The following AGR3 variants were observed in gnomAD, a reference collection of about 807,000 sequenced individuals.
AGR3 encodes the protein anterior gradient protein 3.
AGR3 carries 37 observed loss-of-function variants against 24.5 expected under a neutral mutation model. The observed-to-expected ratio is 1.51, with a 90% CI of 1.16 to 1.99. The LOEUF (loss-of-function observed/expected upper bound fraction) is 1.99, where lower values mean the gene tolerates loss of function less well. Ranked by LOEUF, AGR3 falls within the 30% of genes most tolerant of loss-of-function variation. AGR3 has a pLI of 0.00. For synonymous variants in AGR3, 75 were observed against 61.6 expected, an observed-to-expected ratio of 1.22 and a Z score of -1.02; for missense variants, 228 against 191.1, an observed-to-expected ratio of 1.19 and a Z score of -1.14.
At chr7:16,856,829 C>T (rs1260736830), downstream of AGR3, among the ~76,000 whole-genome samples, 4 of 149,214 alleles carry the variant, frequency 2.7e-5, no homozygotes, top group Non-Finnish European at 4.5e-5. Context: ...ACACACACAC[C>T]TATATGTATA....
At chr7:16,880,945 A>G (rs1051098812) in intron 1 of AGR3, among the ~76,000 whole-genome samples, 1 of 152,152 alleles carries the variant, frequency 6.6e-6, no homozygotes, top group Non-Finnish European at 1.5e-5. Context: ...GCTGAGCTAC[A>G]GAAGGCTCAA....
intron 2 of AGR3, 53 bp from the exon 3 acceptor site, chr7:16,873,896 G>A (rs4472406): frequency 0.98 from 1,345,760 of 1,374,426 alleles, 660,542 homozygotes; most frequent in Non-Finnish European, 1. Flanking sequence ...AGAAGAGCTC[G>A]GAAATGGGTA....
chr7:16,855,673 GAAGAA>G (rs1216546730), downstream of AGR3, among the ~76,000 whole-genome samples: 1 of 152,138 alleles, frequency 6.6e-6, no homozygotes, highest in African/African-American at 2.4e-5. Flanking sequence ...AATTTTAAAA[GAAGAA>G]AAGAATGCTT....
downstream of AGR3, among the ~76,000 whole-genome samples, chr7:16,857,895 T>A (rs1781575491): frequency 6.6e-6 from 1 of 152,140 alleles, no homozygotes; most frequent in South Asian, 2.1e-4. Context: ...CTATCTCATA[T>A]AAAAGTATAG....
intron 2 of AGR3, among the ~76,000 whole-genome samples, chr7:16,877,724 A>G (rs568645879): frequency 5.1e-4 from 78 of 151,984 alleles, no homozygotes; most frequent in African/African-American, 1.4e-3. Context: ...TTAGCCGGGC[A>G]TGGTGGCGGG....
chr7:16,864,903 T>G, intron 3 of AGR3: 1 of 894,052 alleles, frequency 1.1e-6, no homozygotes. Context: ...ATTCACTGGC[T>G]CTCACAATAT....
At chr7:16,872,245 G>T (rs1477118370) in intron 3 of AGR3, among the ~76,000 whole-genome samples, 1 of 152,156 alleles carries the variant, frequency 6.6e-6, no homozygotes, top group Non-Finnish European at 1.5e-5. Context: ...CATGGTATTT[G>T]TATAAAAACA....
chr7:16,858,582 G>A (rs1781585067), downstream of AGR3, among the ~76,000 whole-genome samples: 1 of 152,102 alleles, frequency 6.6e-6, no homozygotes, highest in African/African-American at 2.4e-5. Flanking sequence ...TAATTAAGAA[G>A]AACATGTAGC....
Position 16,870,648 on chromosome 7 carries a change from T to A in AGR3, c.173+3132A>T, listed in dbSNP as rs145839887. On this transcript the variant is annotated intron_variant, in intron 3 of 7. Coordinates refer to ENST00000310398, the MANE Select transcript of AGR3 (RefSeq NM_176813.5). ...ATGCATTTTCAGAATTGGTGGAGAT[T>A]AGACATACTTGTATGAATTGTCTCC... Among the ~76,000 whole-genome samples, 360 of 152,296 alleles carry A rather than the reference T, an allele frequency of 2.4e-3. 1 individual carries two copies. The highest frequency in any genetic ancestry group is 8.2e-3 in the African/African-American group (342 of 41,574).
intron 3 of AGR3, chr7:16,864,746 A>T: frequency 7.5e-7 from 1 of 1,326,570 alleles, no homozygotes; most frequent in Non-Finnish European, 1.1e-6. Flanking sequence ...TGCGAGGGTC[A>T]AAAACTTGAT....
At chr7:16,864,407 C>T (rs1781709024) in intron 3 of AGR3, 3 of 1,282,550 alleles carry the variant, frequency 2.3e-6, no homozygotes, top group East Asian at 2.3e-5. Flanking sequence ...AGCTCTGTGT[C>T]CTGTGCGGGT....
intron 2 of AGR3, among the ~76,000 whole-genome samples, chr7:16,874,827 A>G (rs564929833): frequency 6.6e-6 from 1 of 152,170 alleles, no homozygotes; most frequent in Non-Finnish European, 1.5e-5. Flanking sequence ...TTGAAAACGT[A>G]TACTTTTGGC....
Position 16,877,952 on chromosome 7 carries a change from A to T in AGR3, c.109+558T>A, listed in dbSNP as rs541687624. Among the ~76,000 whole-genome samples the T allele has an allele frequency of 2.0e-5, 3 of 152,252 alleles. No homozygotes were observed. In the East Asian group the frequency reaches 5.8e-4, roughly 29 times the overall value. On this transcript the variant is annotated intron_variant, in intron 2 of 7. Coordinates refer to ENST00000310398, the MANE Select transcript of AGR3 (RefSeq NM_176813.5). Reference sequence around the variant, plus strand: ...GTTTCTTGGGCCAAGTAAAACAGTAAGTACAAAAAGAAATGTTTCTAAACA... The same window carrying T: ...GTTTCTTGGGCCAAGTAAAACAGTATGTACAAAAAGAAATGTTTCTAAACA...
chr7:16,875,636 T>C (rs961475645), intron 2 of AGR3, among the ~76,000 whole-genome samples: 7 of 152,174 alleles, frequency 4.6e-5, no homozygotes, highest in Non-Finnish European at 8.8e-5. Flanking sequence ...GGAGTGGAAC[T>C]GCTGATCAAA....
At chr7:16,864,866 C>T (rs1781723800) in intron 3 of AGR3, 2 of 865,660 alleles carry the variant, frequency 2.3e-6, no homozygotes, top group Non-Finnish European at 4.0e-6. Context: ...TTCCAGTCAC[C>T]ACTGAGGATA....
chr7:16,878,369 A>C (rs1782032188), intron 2 of AGR3, 141 bp downstream of exon 2: 2 of 661,684 alleles, frequency 3.0e-6, no homozygotes, highest in East Asian at 5.5e-5. Flanking sequence ...TGTTTTAAAA[A>C]ATCCATTTTG....
rs931454602 is a variant in AGR3 at position 16,869,677 on chromosome 7, T to G, written c.173+4103A>C. On this transcript the variant is annotated intron_variant, in intron 3 of 7. Transcript: ENST00000310398. ...ATAGTTGGGGCTTGTGAGTTTGTTT[T>G]TTTTTTTTTTTTTTTTTGCAGGGGG... Among the ~76,000 whole-genome samples the G allele has an allele frequency of 3.5e-4, 49 of 140,276 alleles. 1 individual carries two copies. The highest frequency in any genetic ancestry group is 1.0e-3 in the African/African-American group (40 of 38,604). The allele number at this position is 140,276 out of a possible 152,430, so 92.0% of individuals were successfully genotyped here. A position where few individuals can be genotyped will look rare whatever the true frequency, so the allele number is the denominator to read the frequency against.
At chr7:16,872,224 A>C (rs1781879186) in intron 3 of AGR3, among the ~76,000 whole-genome samples, 1 of 152,226 alleles carries the variant, frequency 6.6e-6, no homozygotes, top group Admixed American at 6.5e-5. Flanking sequence ...AAGCTATAGT[A>C]AACAAAACAG....
At chr7:16,871,927 A>G (rs1781873910) in intron 3 of AGR3, among the ~76,000 whole-genome samples, 1 of 152,188 alleles carries the variant, frequency 6.6e-6, no homozygotes, top group Admixed American at 6.5e-5. Context: ...AAGAAAAACT[A>G]TAAAACATTG....
Sources: gnomAD v4.1 joint callset for allele counts (sites outside exome capture counted in the v4.1 genomes callset) on GRCh38, gnomAD v4.1.1 for gene constraint, MANE v1.5 for transcripts, NCBI Gene and HGNC (gene_info 2026-07-23, HGNC 2026-07-21) for gene names.